Variants in ULK4 observed in about 807,000 individuals in gnomAD.
ULK4 encodes the protein unc-51 like kinase 4.
A neutral mutation model predicts 160.6 loss-of-function variants in ULK4; 133 were observed. The ratio of observed to expected loss-of-function variants is 0.83; its 90% CI spans 0.72 to 0.96. The LOEUF (loss-of-function observed/expected upper bound fraction) is 0.96. Ranked by LOEUF, ULK4 falls within the 40% of genes least tolerant of loss-of-function variation. The pLI is 0.00. For missense variants in ULK4, 1,580 were observed against 1,499.5 expected, an observed-to-expected ratio of 1.05 and a Z score of -0.89; for synonymous variants, 534 against 539.8, an observed-to-expected ratio of 0.99 and a Z score of 0.15.
At chr3:41,454,175 A>AT (rs1220485437) in intron 34 of ULK4, among the ~76,000 whole-genome samples, 3 of 145,536 alleles carry the variant, frequency 2.1e-5, no homozygotes, top group African/African-American at 5.5e-5. Flanking sequence ...TTAAAGTATA[A>AT]TTAAAAAAAA....
chr3:41,941,009 C>G (rs1383769621), intron 2 of ULK4, among the ~76,000 whole-genome samples: 1 of 151,544 alleles, frequency 6.6e-6, no homozygotes, highest in Non-Finnish European at 1.5e-5. Flanking sequence ...TGACAACTAC[C>G]AAAGTGCTTT....
intron 21 of ULK4, among the ~76,000 whole-genome samples, chr3:41,780,081 G>C (rs1402150326): frequency 6.6e-6 from 1 of 151,682 alleles, no homozygotes; most frequent in Non-Finnish European, 1.5e-5. Context: ...GGAGGCTGAG[G>C]CAGGTGGATC....
chr3:41,555,251 A>G (rs901226061), intron 32 of ULK4, among the ~76,000 whole-genome samples: 1 of 151,866 alleles, frequency 6.6e-6, no homozygotes, highest in African/African-American at 2.4e-5. Context: ...AAAAGTACAA[A>G]TTTTTGCAAA....
At chr3:41,896,076 G>C (rs531041644) in intron 15 of ULK4, among the ~76,000 whole-genome samples, 308 of 152,184 alleles carry the variant, frequency 2.0e-3, no homozygotes, top group African/African-American at 7.1e-3. Flanking sequence ...AATATTCCCA[G>C]GGGAAGAGGA....
chr3:41,423,183 G>A (rs1184273905), intron 34 of ULK4, among the ~76,000 whole-genome samples: 1 of 152,286 alleles, frequency 6.6e-6, no homozygotes, highest in South Asian at 2.1e-4. Context: ...GCAGGGAAAA[G>A]GATGCAAGGA....
intron 32 of ULK4, among the ~76,000 whole-genome samples, chr3:41,491,728 ATTTCT>A (rs1384890459): frequency 4.6e-5 from 7 of 151,826 alleles, no homozygotes; most frequent in African/African-American, 9.7e-5. Flanking sequence ...CTTTATTTTT[ATTTCT>A]TTTAATTATT....
At chr3:41,924,804 C>T (rs1699319683) in intron 5 of ULK4, among the ~76,000 whole-genome samples, 1 of 152,130 alleles carries the variant, frequency 6.6e-6, no homozygotes, top group Non-Finnish European at 1.5e-5. Flanking sequence ...GCTCTCCATC[C>T]TCTTCCCTCA....
At chr3:41,365,734 C>T (rs1209486486) in intron 35 of ULK4, among the ~76,000 whole-genome samples, 1 of 152,064 alleles carries the variant, frequency 6.6e-6, no homozygotes, top group Non-Finnish European at 1.5e-5. Flanking sequence ...CTGCTCTTCA[C>T]CATTACGTTA....
At chr3:41,375,002 G>A (rs957580892) in intron 35 of ULK4, among the ~76,000 whole-genome samples, 8 of 151,382 alleles carry the variant, frequency 5.3e-5, no homozygotes, top group South Asian at 2.1e-4. Context: ...AACAGACAGA[G>A]AGCCAAATCA....
chr3:41,427,434 T>C (rs1245212837), intron 34 of ULK4, among the ~76,000 whole-genome samples: 4 of 152,192 alleles, frequency 2.6e-5, no homozygotes, highest in Non-Finnish European at 5.9e-5. Flanking sequence ...GCCAGCATCA[T>C]CTTGATACCA....
intron 5 of ULK4, among the ~76,000 whole-genome samples, chr3:41,927,373 G>C (rs1468116527): frequency 6.6e-6 from 1 of 152,086 alleles, no homozygotes; most frequent in African/African-American, 2.4e-5. Flanking sequence ...GGAAAAACCG[G>C]TACCAGCCAC....
At chr3:41,464,800 T>TG (rs1367731319) in intron 32 of ULK4, among the ~76,000 whole-genome samples, 2 of 152,214 alleles carry the variant, frequency 1.3e-5, no homozygotes, top group East Asian at 3.9e-4. Context: ...CAAAGAAGGA[T>TG]ATGGTTCTTT....
chr3:41,953,709 T>C (rs1700379760), intron 2 of ULK4, among the ~76,000 whole-genome samples: 1 of 152,096 alleles, frequency 6.6e-6, no homozygotes, highest in African/African-American at 2.4e-5. Flanking sequence ...AACCTGCTTG[T>C]TTCCTAAATA....
intron 22 of ULK4, among the ~76,000 whole-genome samples, chr3:41,741,427 T>C (rs1222146785): frequency 1.3e-5 from 2 of 151,970 alleles, no homozygotes; most frequent in African/African-American, 4.8e-5. Flanking sequence ...GTTAATCAAA[T>C]GAATCATTTA....
chr3:41,669,367 C>T (rs2035455163), intron 29 of ULK4, among the ~76,000 whole-genome samples: 1 of 152,076 alleles, frequency 6.6e-6, no homozygotes, highest in South Asian at 2.1e-4. Context: ...AACCTCAGCC[C>T]AGGTCCCTCC....
At chr3:41,860,958 T>A (rs2042486604) in intron 17 of ULK4, among the ~76,000 whole-genome samples, 1 of 152,184 alleles carries the variant, frequency 6.6e-6, no homozygotes, top group East Asian at 1.9e-4. Context: ...TACTATCTTA[T>A]AACCCATTAT....
At chr3:41,642,937 GC>G (rs2034292707) in intron 30 of ULK4, among the ~76,000 whole-genome samples, 1 of 152,126 alleles carries the variant, frequency 6.6e-6, no homozygotes, top group Non-Finnish European at 1.5e-5. Flanking sequence ...TTCTCTGATG[GC>G]CAGTGATGAT....
chr3:41,253,270 A>G (rs2078772782), intron 35 of ULK4, among the ~76,000 whole-genome samples: 1 of 152,134 alleles, frequency 6.6e-6, no homozygotes, highest in South Asian at 2.1e-4. Context: ...TTTCTTTAAA[A>G]GCTGTTTAAT....
In ULK4 at chr3:41,724,984, G is replaced by A. The variant is rs565588861; in HGVS notation, c.2322-7123C>T. Among the ~76,000 whole-genome samples the A allele has an allele frequency of 3.9e-4, 60 of 152,242 alleles. 2 individuals carry two copies. In the South Asian group the frequency reaches 0.012, roughly 29 times the overall value. ...TATCTGTCCTCTTTTCCTTGATGAA[G>A]TAAGTCTGTACATATTTCTGTTAAG... On this transcript the variant is annotated intron_variant, in intron 22 of 36. Coordinates refer to ENST00000301831, the MANE Select transcript of ULK4 (RefSeq NM_017886.4).
Sources: gnomAD v4.1 joint callset for allele counts (sites outside exome capture counted in the v4.1 genomes callset) on GRCh38, gnomAD v4.1.1 for gene constraint, MANE v1.5 for transcripts, NCBI Gene and HGNC (gene_info 2026-07-23, HGNC 2026-07-21) for gene names.